KDM4C: variants seen among roughly 807,000 people sequenced by gnomAD.
The protein encoded by KDM4C is lysine demethylase 4C, also known as lysine-specific demethylase 4C.
KDM4C carries 81 observed loss-of-function variants against 129.3 expected under a neutral mutation model. The observed-to-expected ratio is 0.63, with a 90% CI of 0.52 to 0.75. KDM4C has a LOEUF of 0.75. Among genes scored for constraint, KDM4C ranks in the 30% least tolerant of loss-of-function variants. KDM4C has a pLI of 0.00. For synonymous variants in KDM4C, 573 were observed against 456.1 expected (o/e 1.26, Z -3.26); for missense variants, 1,457 against 1,304.0 (o/e 1.12, Z -1.81).
chr9:6,848,662 G>A (rs143669662), intron 4 of KDM4C, among the ~76,000 whole-genome samples: 1 of 151,066 alleles, frequency 6.6e-6, no homozygotes, highest in Non-Finnish European at 1.5e-5. Flanking sequence ...GAGTGAGACT[G>A]TCTCAGGGGA....
chr9:6,912,619 T>C (rs1437018785), intron 8 of KDM4C, among the ~76,000 whole-genome samples: 3 of 152,232 alleles, frequency 2.0e-5, no homozygotes, highest in Non-Finnish European at 4.4e-5. Context: ...GTAATAAATA[T>C]ACTGGGAGAG....
chr9:6,834,227 G>A lies in KDM4C; in HGVS notation c.436-15280G>A, dbSNP rs144599737. 9.7e-3 allele frequency among the ~76,000 whole-genome samples: 1,471 copies of A among 151,974 alleles called. 13 individuals are homozygous for A. Among genetic ancestry groups the A allele is most frequent in the Non-Finnish European group, 0.015 (1,031 of 67,976 alleles). ...TTAATTGTATTTTTAGTAGAGGCAGGGTTTTGCCATGTTGCCCAGGCTGAT... is the reference window on the plus strand; with the variant it reads ...TTAATTGTATTTTTAGTAGAGGCAGAGTTTTGCCATGTTGCCCAGGCTGAT... On this transcript the variant is annotated intron_variant, in intron 4 of 21. Transcript: ENST00000381309.
intron 1 of KDM4C, among the ~76,000 whole-genome samples, chr9:6,729,061 C>T (rs1032927256): frequency 1.7e-4 from 25 of 150,630 alleles, no homozygotes; most frequent in African/African-American, 6.1e-4. Flanking sequence ...AAAAATTAGC[C>T]GGGTGAGGTG....
chr9:6,948,748 C>T (rs1209388505), intron 8 of KDM4C, among the ~76,000 whole-genome samples: 1 of 152,030 alleles, frequency 6.6e-6, no homozygotes, highest in African/African-American at 2.4e-5. Flanking sequence ...CGCCCTTAAT[C>T]CATTTAACCC....
At chr9:7,090,929 T>C (rs996457171) in intron 17 of KDM4C, among the ~76,000 whole-genome samples, 24 of 152,218 alleles carry the variant, frequency 1.6e-4, no homozygotes, top group Non-Finnish European at 1.5e-5. Context: ...GAAGAATGAA[T>C]TGTACATCCT....
In KDM4C at chr9:7,173,228, A is replaced by C. The variant is rs550066654; in HGVS notation, c.2995-1325A>C. Among the ~76,000 whole-genome samples the C allele has an allele frequency of 2.0e-5, 3 of 152,356 alleles. No individual in the cohort carries two copies. In the East Asian group the frequency reaches 5.8e-4, roughly 29 times the overall value. ...ACAGGAGTCCCAAAGAAGGACCCTT[A>C]AGCTTGCCGAGGGCAGAGACAGTAG... On this transcript the variant is annotated intron_variant, in intron 21 of 21. Coordinates refer to ENST00000381309, the MANE Select transcript of KDM4C (RefSeq NM_015061.6).
At chr9:6,946,381 T>G (rs539231250) in intron 8 of KDM4C, among the ~76,000 whole-genome samples, 1 of 152,290 alleles carries the variant, frequency 6.6e-6, no homozygotes, top group East Asian at 1.9e-4. Flanking sequence ...GATCTCCTCT[T>G]CACATCGCAG....
At chr9:6,778,548 C>T in intron 1 of KDM4C, among the ~76,000 whole-genome samples, 1 of 151,058 alleles carries the variant, frequency 6.6e-6, no homozygotes, top group Middle Eastern at 3.4e-3. Flanking sequence ...GGGAGGATCA[C>T]CTAAGGTCAG....
At chr9:6,775,862 C>G (rs1049055527) in intron 1 of KDM4C, among the ~76,000 whole-genome samples, 3 of 152,126 alleles carry the variant, frequency 2.0e-5, no homozygotes, top group African/African-American at 7.2e-5. Flanking sequence ...TGTTTTGGTG[C>G]TTGGTAATTC....
At chr9:7,153,481 C>T (rs1033117454) in intron 19 of KDM4C, among the ~76,000 whole-genome samples, 1 of 152,192 alleles carries the variant, frequency 6.6e-6, no homozygotes, top group Admixed American at 6.5e-5. Context: ...ACTTGGGAGA[C>T]TGCTGCCGGT....
chr9:7,063,921 T>A (rs1832056506), intron 17 of KDM4C, among the ~76,000 whole-genome samples: 1 of 152,096 alleles, frequency 6.6e-6, no homozygotes, highest in African/African-American at 2.4e-5. Context: ...GAGCTCTGAG[T>A]CTCAAGAAGT....
intron 1 of KDM4C, among the ~76,000 whole-genome samples, chr9:6,747,082 A>G (rs897402408): frequency 6.6e-6 from 1 of 150,672 alleles, no homozygotes; most frequent in Non-Finnish European, 1.5e-5. Context: ...GGTTCCAGCT[A>G]TTCAGGAGTC....
At chr9:7,150,255 C>T (rs1177881118) in intron 19 of KDM4C, among the ~76,000 whole-genome samples, 3 of 152,356 alleles carry the variant, frequency 2.0e-5, no homozygotes, top group South Asian at 2.1e-4. Flanking sequence ...GCTCTCACCA[C>T]AACTTGTCCT....
intron 8 of KDM4C, among the ~76,000 whole-genome samples, chr9:6,965,183 G>A (rs1830726439): frequency 1.3e-5 from 2 of 151,700 alleles, no homozygotes; most frequent in Admixed American, 1.3e-4. Context: ...AAAGAGAAAC[G>A]TGGCTCTGGC....
intron 1 of KDM4C, among the ~76,000 whole-genome samples, chr9:6,780,415 T>C (rs1320266370): frequency 6.6e-6 from 1 of 151,732 alleles, no homozygotes; most frequent in Non-Finnish European, 1.5e-5. Flanking sequence ...CTGGCTCATA[T>C]TGCTTCTCAA....
At chr9:7,052,165 A>C (rs1409372640) in intron 17 of KDM4C, among the ~76,000 whole-genome samples, 1 of 152,214 alleles carries the variant, frequency 6.6e-6, no homozygotes, top group African/African-American at 2.4e-5. Context: ...TCTTTTTTCA[A>C]ATCCAAATTT....
intron 1 of KDM4C, among the ~76,000 whole-genome samples, chr9:6,790,849 ATGTT>A (rs1054733487): frequency 9.9e-5 from 15 of 152,138 alleles, no homozygotes; most frequent in East Asian, 5.8e-4. Context: ...TGCTCAATAA[ATGTT>A]TGCTGAAGGA....
intron 1 of KDM4C, among the ~76,000 whole-genome samples, chr9:6,728,553 C>T (rs1176522795): frequency 2.0e-5 from 3 of 151,414 alleles, no homozygotes; most frequent in Non-Finnish European, 4.4e-5. Flanking sequence ...AAACAAAAAA[C>T]GAAGTATTCT....
chr9:7,072,037 C>T (rs772407763), intron 17 of KDM4C, among the ~76,000 whole-genome samples: 52 of 152,166 alleles, frequency 3.4e-4, no homozygotes, highest in Non-Finnish European at 5.7e-4. Context: ...ATAGACAGCA[C>T]ATAAGTACAT....
Sources: allele counts gnomAD v4.1 joint callset (sites outside exome capture counted in the v4.1 genomes callset), GRCh38; gene constraint gnomAD v4.1.1; transcripts MANE v1.5; gene names NCBI Gene and HGNC (gene_info 2026-07-23, HGNC 2026-07-21).